The following KCNIP4 variants were observed in gnomAD, a reference collection of about 807,000 sequenced individuals.
KCNIP4 encodes the protein potassium voltage-gated channel interacting protein 4, also known as Kv channel-interacting protein 4.
KCNIP4 carries 12 observed loss-of-function variants against 34.0 expected under a neutral mutation model. The ratio of observed to expected loss-of-function variants is 0.35; its 90% confidence interval spans 0.23 to 0.57. The LOEUF (loss-of-function observed/expected upper bound fraction) is 0.57, where lower values mean the gene tolerates loss of function less well. Ranked by LOEUF, KCNIP4 falls within the 20% of genes least tolerant of loss-of-function variation. The pLI is 0.83. For synonymous variants in KCNIP4, 124 were observed against 102.2 expected, an observed-to-expected ratio of 1.21 and a Z score of -1.29; for missense variants, 238 against 311.7, an observed-to-expected ratio of 0.76 and a Z score of 1.78.
chr4:20,777,489 C>A (rs1756474811), intron 3 of KCNIP4, among the ~76,000 whole-genome samples: 1 of 152,086 alleles, frequency 6.6e-6, no homozygotes, highest in Non-Finnish European at 1.5e-5. Context: ...ATAAAAGAGG[C>A]CCAAAGAGCT....
At chr4:21,000,467 A>G (rs1186129344) in intron 1 of KCNIP4, among the ~76,000 whole-genome samples, 1 of 151,910 alleles carries the variant, frequency 6.6e-6, no homozygotes, top group Non-Finnish European at 1.5e-5. Flanking sequence ...GGCAGATCAC[A>G]TGAGGTCAGG....
At position 21,177,858 on chromosome 4, in the gene KCNIP4, T is replaced by TTATATA. The variant is rs3080785; in HGVS notation, c.62-295155_62-295150dup. Among the ~76,000 whole-genome samples, 64 of 139,314 alleles carry TTATATA rather than the reference T, an allele frequency of 4.6e-4. 1 individual carries two copies. Among genetic ancestry groups the TTATATA allele is most frequent in the Admixed American group, 7.9e-4 (11 of 13,894 alleles). 91.4% of individuals were successfully genotyped at this position (139,314 alleles called of 152,430 possible). On this transcript the variant is annotated intron_variant, in intron 1 of 8. Coordinates refer to ENST00000382152, the MANE Select transcript of KCNIP4 (RefSeq NM_025221.6). ...GCAAGACTATGTCTCAAAAAAAAAA[T>TTATATA]TATATATATATATATATATAAAATA...
At chr4:21,250,787 G>A (rs1163018479) in intron 1 of KCNIP4, among the ~76,000 whole-genome samples, 1 of 151,742 alleles carries the variant, frequency 6.6e-6, no homozygotes, top group African/African-American at 2.4e-5. Context: ...CTTAAAGCGA[G>A]GATGGGAAAG....
intron 3 of KCNIP4, among the ~76,000 whole-genome samples, chr4:20,772,097 G>T (rs1755941049): frequency 6.6e-6 from 1 of 152,200 alleles, no homozygotes; most frequent in Admixed American, 6.5e-5. Flanking sequence ...CAATGTTTAA[G>T]AAATGAGCAC....
At chr4:21,373,855 C>T (rs570035528) in intron 1 of KCNIP4, among the ~76,000 whole-genome samples, 2 of 146,682 alleles carry the variant, frequency 1.4e-5, no homozygotes, top group East Asian at 4.0e-4. Flanking sequence ...ACAGGTGCTC[C>T]TCCATACCCA....
chr4:21,326,505 G>A (rs1715075162), intron 1 of KCNIP4, among the ~76,000 whole-genome samples: 1 of 150,828 alleles, frequency 6.6e-6, no homozygotes, highest in Admixed American at 6.6e-5. Context: ...CAGGTGAAGT[G>A]TGTATCTTTA....
intron 1 of KCNIP4, among the ~76,000 whole-genome samples, chr4:20,935,315 A>G (rs1468374643): frequency 1.3e-5 from 2 of 152,140 alleles, no homozygotes; most frequent in East Asian, 3.9e-4. Context: ...TAGGCATTTC[A>G]AACTCAACAT....
At chr4:21,639,725 G>A (rs762572175) in intron 1 of KCNIP4, among the ~76,000 whole-genome samples, 4 of 152,026 alleles carry the variant, frequency 2.6e-5, no homozygotes, top group Non-Finnish European at 4.4e-5. Context: ...CATTCTTTTA[G>A]CTTATGGGTT....
chr4:21,166,029 C>T (rs578242395), intron 1 of KCNIP4, among the ~76,000 whole-genome samples: 2 of 152,240 alleles, frequency 1.3e-5, no homozygotes, highest in South Asian at 2.1e-4. Context: ...ACAGCCCTTA[C>T]CAGACACTGA....
rs528969889 is a variant in KCNIP4 at position 20,749,512 on chromosome 4, A to G, written c.429+150T>C. On this transcript the variant is annotated intron_variant, in intron 5 of 8. Transcript: ENST00000382152. The stretch of plus-strand genomic sequence containing the variant: ...GCTTGCAATTTGTACATCTTTTGAA[A>G]GATAATTTTTGGCAATTACATGAGA... 19 of 525,258 alleles carry G rather than the reference A, an allele frequency of 3.6e-5. No homozygotes were observed. The South Asian group carries it at 4.6e-4, about 13-fold the overall frequency. The allele number at this position is 525,258 out of a possible 1,614,324, so 32.5% of individuals were successfully genotyped here. A position where few individuals can be genotyped will look rare whatever the true frequency, so the allele number is the denominator to read the frequency against.
chr4:21,523,832 C>T (rs1223403336), intron 1 of KCNIP4, among the ~76,000 whole-genome samples: 1 of 152,082 alleles, frequency 6.6e-6, no homozygotes, highest in African/African-American at 2.4e-5. Flanking sequence ...CTCAGCCTCC[C>T]AAAGTGCTAA....
At chr4:21,198,779 T>A (rs764531015) in intron 1 of KCNIP4, among the ~76,000 whole-genome samples, 1 of 152,122 alleles carries the variant, frequency 6.6e-6, no homozygotes, top group Non-Finnish European at 1.5e-5. Flanking sequence ...GGGGATGAGG[T>A]GCTTCTTCTG....
intron 1 of KCNIP4, among the ~76,000 whole-genome samples, chr4:21,861,205 G>C (rs1224795211): frequency 6.6e-6 from 1 of 152,122 alleles, no homozygotes; most frequent in Non-Finnish European, 1.5e-5. Context: ...TTTCCTTAAA[G>C]ATGTTTTTCA....
intron 1 of KCNIP4, among the ~76,000 whole-genome samples, chr4:20,953,585 G>A (rs1733004471): frequency 6.6e-6 from 1 of 152,124 alleles, no homozygotes; most frequent in Non-Finnish European, 1.5e-5. Flanking sequence ...GAGAGGCTGA[G>A]GCAGGAGGAT....
intron 1 of KCNIP4, among the ~76,000 whole-genome samples, chr4:21,217,344 A>G (rs180863532): frequency 6.6e-6 from 1 of 152,320 alleles, no homozygotes; most frequent in East Asian, 1.9e-4. Flanking sequence ...ATCTCAAAGA[A>G]GTCTACATGG....
chr4:21,569,289 A>G (rs1183030253), intron 1 of KCNIP4, among the ~76,000 whole-genome samples: 1 of 141,236 alleles, frequency 7.1e-6, no homozygotes, highest in African/African-American at 2.6e-5. Context: ...GTAAACCCAG[A>G]TTTTGTTGAA....
In KCNIP4 at chr4:21,400,512, C is replaced by CTCTT. The variant is rs1723416254; in HGVS notation, c.62-517804_62-517803insAAGA. ...CCTCTCCCCTCCCTTCCCCTCCCTT[C>CTCTT]CTCTTCTCTTCTCTTCTCTTCTCTT... On this transcript the variant is annotated intron_variant, in intron 1 of 8. Transcript: ENST00000382152. Among the ~76,000 whole-genome samples, 110 of 105,216 alleles carry CTCTT rather than the reference C, an allele frequency of 1.0e-3. 4 individuals are homozygous for CTCTT. Among genetic ancestry groups the CTCTT allele is most frequent in the African/African-American group, 4.2e-3 (107 of 25,278 alleles). 69.0% of individuals were successfully genotyped at this position (105,216 alleles called of 152,430 possible).
chr4:21,387,820 C>T (rs929069927), intron 1 of KCNIP4, among the ~76,000 whole-genome samples: 5 of 152,126 alleles, frequency 3.3e-5, no homozygotes, highest in South Asian at 2.1e-4. Context: ...TCATAAAATA[C>T]TTTGTACTCA....
At chr4:21,666,683 T>C (rs2108999770) in intron 1 of KCNIP4, among the ~76,000 whole-genome samples, 1 of 152,284 alleles carries the variant, frequency 6.6e-6, no homozygotes, top group South Asian at 2.1e-4. Context: ...GTGTTTCACA[T>C]GGTACTTATG....
Sources: gnomAD v4.1 joint callset for allele counts (sites outside exome capture counted in the v4.1 genomes callset) on GRCh38, gnomAD v4.1.1 for gene constraint, MANE v1.5 for transcripts, NCBI Gene and HGNC (gene_info 2026-07-23, HGNC 2026-07-21) for gene names.